The following FHAD1 variants were observed in gnomAD, a reference collection of about 807,000 sequenced individuals.
FHAD1 encodes the protein forkhead associated phosphopeptide binding domain 1.
A neutral mutation model predicts 191.3 loss-of-function variants in FHAD1; 146 were observed. The ratio of observed to expected loss-of-function variants is 0.76; its 90% confidence interval spans 0.67 to 0.88. FHAD1 has a LOEUF of 0.88. FHAD1 is among the 40% of genes least tolerant of loss of function. The pLI, the probability that FHAD1 is intolerant of heterozygous loss-of-function variation, is 0.00. For missense variants in FHAD1, 1,635 were observed against 1,785.8 expected, an observed-to-expected ratio of 0.92 and a Z score of 1.52; for synonymous variants, 616 against 672.3, an observed-to-expected ratio of 0.92 and a Z score of 1.29.
chr1:15,238,474 G>A (rs1270335271), intron 1 of FHAD1, among the ~76,000 whole-genome samples: 1 of 152,156 alleles, frequency 6.6e-6, no homozygotes, highest in African/African-American at 2.4e-5. Context: ...AGGCCTTCTG[G>A]AATTTGCTAT....
intron 3 of FHAD1, among the ~76,000 whole-genome samples, chr1:15,284,062 A>G (rs1467665475): frequency 6.6e-6 from 1 of 152,106 alleles, no homozygotes; most frequent in Non-Finnish European, 1.5e-5. Flanking sequence ...AATGCACAAA[A>G]TGTGGGTAAA....
intron 18 of FHAD1, among the ~76,000 whole-genome samples, chr1:15,348,564 A>T (rs1411709466): frequency 6.6e-6 from 1 of 152,214 alleles, no homozygotes; most frequent in Admixed American, 6.5e-5. Flanking sequence ...GTGGCTCATT[A>T]GTCCAACATA....
chr1:15,353,079 C>CA lies in FHAD1; in HGVS notation c.2562+96dup, dbSNP rs1470258289. On this transcript the variant is annotated intron_variant, in intron 20 of 33. Coordinates refer to ENST00000688493, the MANE Select transcript of FHAD1 (RefSeq NM_001391957.1). ...TCTGGGTTCAAATCCTACCTCTCCC[C>CA]ATCCCTGGCTGGGGGACTTCAGGCT... 4 of 895,922 alleles carry CA rather than the reference C, an allele frequency of 4.5e-6. No individual in the cohort carries two copies. The East Asian group carries it at 8.0e-5, about 18-fold the overall frequency. 55.5% of individuals were successfully genotyped at this position (895,922 alleles called of 1,614,324 possible). A position where few individuals can be genotyped will look rare whatever the true frequency, so the allele number is the denominator to read the frequency against.
In FHAD1 at chr1:15,264,548, A is replaced by ATGTGTG. The variant is rs71572146; in HGVS notation, c.94-7750_94-7745dup. Among the ~76,000 whole-genome samples, 1,211 of 147,338 alleles carry ATGTGTG rather than the reference A, an allele frequency of 8.2e-3. 32 individuals are homozygous for ATGTGTG. The highest frequency in any genetic ancestry group is 0.051 in the East Asian group (259 of 5,058). On this transcript the variant is annotated intron_variant, in intron 2 of 33. Coordinates refer to ENST00000688493, the MANE Select transcript of FHAD1 (RefSeq NM_001391957.1). ...TATGAATTCAGTGTTATATGTATAT[A>ATGTGTG]TGTGTGTGTGTGTGTGTGTGTGTGT... is the stretch of plus-strand genomic sequence containing the variant.
intron 26 of FHAD1, 34 bp from the exon 27 acceptor site, chr1:15,374,468 T>G: frequency 6.4e-7 from 1 of 1,550,636 alleles, no homozygotes. Context: ...TTCTAATCCC[T>G]GATCAAATGC....
Position 15,247,255 on chromosome 1 carries a change from C to T in FHAD1, c.-155C>T, listed in dbSNP as rs1247083679. 2 of 180,790 alleles carry T rather than the reference C, an allele frequency of 1.1e-5. No individual in the cohort carries two copies. The highest frequency in any genetic ancestry group is 6.5e-5 in the Admixed American group (1 of 15,362). The allele number at this position is 180,790 out of a possible 1,614,324, so 11.2% of individuals were successfully genotyped here. A position where few individuals can be genotyped will look rare whatever the true frequency, so the allele number is the denominator to read the frequency against. On this transcript the variant is annotated 5_prime_UTR_variant, in exon 1 of 34. Coordinates refer to ENST00000688493, the MANE Select transcript of FHAD1 (RefSeq NM_001391957.1). ...TGGCAACGCGCGTACACAGGCCGGCCGGGCGGGCGGGGTGCCGGGTGCGAG... is the reference window on the plus strand; with the variant it reads ...TGGCAACGCGCGTACACAGGCCGGCTGGGCGGGCGGGGTGCCGGGTGCGAG...
intron 14 of FHAD1, among the ~76,000 whole-genome samples, chr1:15,335,062 C>T (rs541927238): frequency 6.6e-6 from 1 of 152,340 alleles, no homozygotes; most frequent in East Asian, 1.9e-4. Flanking sequence ...GGATGGAAAT[C>T]CTGAAACGAA....
chr1:15,293,569 T>G (rs983402353), intron 4 of FHAD1, among the ~76,000 whole-genome samples: 5 of 152,172 alleles, frequency 3.3e-5, no homozygotes, highest in Admixed American at 3.3e-4. Context: ...AATACAAAAA[T>G]TAGCTGGGTG....
At position 15,276,204 on chromosome 1, in the gene FHAD1, T is replaced by TG. The variant is rs749149726; in HGVS notation, c.300+3679dup. Among the ~76,000 whole-genome samples, 1 of 152,216 alleles carries TG rather than the reference T, an allele frequency of 6.6e-6. No homozygotes were observed. The highest frequency in any genetic ancestry group is 1.5e-5 in the Non-Finnish European group (1 of 68,046). ...ATTGGAATCCTAATAGTTCCTCATG[T>TG]GGGGTTACTGTAGTAGTAAACGGGT... On this transcript the variant is annotated intron_variant, in intron 3 of 33. Transcript: ENST00000688493. This position sits in a 1 kb window ranked among gnomAD's most constrained non-coding sequence, Gnocchi z 4.7.
chr1:15,353,704 C>CAAAAAAAAAAAAA (rs60518389), intron 20 of FHAD1, among the ~76,000 whole-genome samples: 3 of 60,962 alleles, frequency 4.9e-5, no homozygotes, highest in Non-Finnish European at 5.7e-5. Flanking sequence ...GACTCCATCT[C>CAAAAAAAAAAAAA]AAAAAAAAAA....
intron 8 of FHAD1, chr1:15,314,566 C>T: frequency 6.6e-6 from 1 of 152,152 alleles, no homozygotes; most frequent in Non-Finnish European, 1.5e-5. Context: ...AGCAGGGTCA[C>T]CGCCTGGATT....
chr1:15,378,046 G>A (rs1040769527), intron 28 of FHAD1, among the ~76,000 whole-genome samples: 1 of 152,170 alleles, frequency 6.6e-6, no homozygotes, highest in Non-Finnish European at 1.5e-5. Context: ...GCTCACGCCT[G>A]TAATCCCAAC....
At chr1:15,334,371 A>G (rs1341679710) in intron 14 of FHAD1, 1 of 151,224 alleles carries the variant, frequency 6.6e-6, no homozygotes, top group Non-Finnish European at 1.5e-5. Flanking sequence ...CGGCTCAGGC[A>G]GTGACAGAGC....
At chr1:15,336,158 C>G (rs1683985794) in intron 14 of FHAD1, among the ~76,000 whole-genome samples, 1 of 152,228 alleles carries the variant, frequency 6.6e-6, no homozygotes, top group African/African-American at 2.4e-5. Context: ...AATTCTGATT[C>G]TAACACTTAC....
intron 1 of FHAD1, among the ~76,000 whole-genome samples, chr1:15,241,629 G>A (rs766815357): frequency 4.0e-5 from 6 of 151,506 alleles, no homozygotes; most frequent in Admixed American, 2.0e-4. Flanking sequence ...TGGGTGATAA[G>A]AGCAAAAGTC....
At chr1:15,373,470 C>G (rs1312611579) in intron 26 of FHAD1, among the ~76,000 whole-genome samples, 3 of 151,894 alleles carry the variant, frequency 2.0e-5, no homozygotes, top group Non-Finnish European at 4.4e-5. Context: ...CAAGATCACG[C>G]CACTGCACTG....
At position 15,380,730 on chromosome 1, in the gene FHAD1, C is replaced by G; in HGVS notation, c.3735C>G (p.Phe1245Leu). The G allele has an allele frequency of 6.4e-7, 1 of 1,551,670 alleles. No individual in the cohort carries two copies. The highest frequency in any genetic ancestry group is 8.7e-7 in the Non-Finnish European group (1 of 1,146,976). The change falls in exon 29 of 34, where the codon TTC (phenylalanine) becomes TTG (leucine). Residue 1245 changes from phenylalanine (F) to leucine (L), a missense_variant. Physicochemically the swap from Phe to Leu is conservative, Grantham distance 22. Coordinates refer to ENST00000688493, the MANE Select transcript of FHAD1 (RefSeq NM_001391957.1). ...AGAATGGCCTTTGCAACGCAAGGTT[C>G]GGCTCAGCCATGGAGAAGTCAGGGA... ...APQNGLCNAR[F>L]GSAMEKSGKM...
In FHAD1 at chr1:15,381,238, A is replaced by G. The variant is rs1472103607; in HGVS notation, c.3809A>G (p.Asp1270Gly). The G allele has an allele frequency of 6.4e-7, 1 of 1,551,364 alleles. No homozygotes were observed. The highest frequency in any genetic ancestry group is 2.0e-5 in the Admixed American group (1 of 50,994). ...ALELSEKLYL[D>G]MSKTLGSLMN... is the part of the protein sequence containing the mutation. ...CGAACGTTTTCCTTGTAGTACCTGGATATGAGCAAAACCCTCGGAAGTCTC... is the reference window on the plus strand; with the variant it reads ...CGAACGTTTTCCTTGTAGTACCTGGGTATGAGCAAAACCCTCGGAAGTCTC... The change falls in exon 30 of 34, where the codon GAT (aspartate) becomes GGT (glycine). Residue 1270 changes from aspartate (D) to glycine (G), a missense_variant. Asp to Gly is a moderately conservative substitution (Grantham distance 94, BLOSUM62 -1). Transcript: ENST00000688493. The surrounding 1 kb of genome is among the most constrained non-coding windows in gnomAD (Gnocchi z 4.6).
chr1:15,284,136 G>A (rs1358637388), intron 3 of FHAD1, among the ~76,000 whole-genome samples: 1 of 152,164 alleles, frequency 6.6e-6, no homozygotes, highest in Non-Finnish European at 1.5e-5. Flanking sequence ...AAAGGGCACA[G>A]CACAGCCTAG....
Sources: gnomAD v4.1 joint callset for allele counts (sites outside exome capture counted in the v4.1 genomes callset) on GRCh38, gnomAD v4.1.1 for gene constraint, Gnocchi (gnomAD v3.1) non-coding constraint, MANE v1.5 for transcripts, NCBI Gene and HGNC (gene_info 2026-07-23, HGNC 2026-07-21) for gene names.